TRABD2B: variants seen among roughly 807,000 people sequenced by gnomAD.
TRABD2B encodes the protein TraB domain containing 2B.
In TRABD2B, 14 loss-of-function variants were observed where a neutral mutation model predicts 40.1. The observed-to-expected ratio is 0.35, with a 90% CI of 0.23 to 0.55. TRABD2B has a LOEUF of 0.55. TRABD2B is among the 20% of genes least tolerant of loss of function. The pLI is 0.90. For synonymous variants in TRABD2B, 263 were observed against 277.0 expected, an observed-to-expected ratio of 0.95 and a Z score of 0.50; for missense variants, 541 against 648.6, an observed-to-expected ratio of 0.83 and a Z score of 1.80.
intron 2 of TRABD2B, among the ~76,000 whole-genome samples, chr1:47,834,968 G>A (rs1215678062): frequency 6.6e-6 from 1 of 152,120 alleles, no homozygotes; most frequent in East Asian, 1.9e-4. Flanking sequence ...GACTTACTAG[G>A]CAAAGACTTT....
chr1:47,901,629 C>T (rs1023022598), intron 2 of TRABD2B, among the ~76,000 whole-genome samples: 1 of 152,184 alleles, frequency 6.6e-6, no homozygotes, highest in Admixed American at 6.5e-5. Context: ...TCAAGGAGTT[C>T]ATGGTCTAAT....
At position 47,775,087 on chromosome 1, in the gene TRABD2B, G is replaced by A. The variant is rs1281679177; in HGVS notation, c.1349+83C>T. 5.5e-5 allele frequency: 66 copies of A among 1,204,236 alleles called. 1 individual carries two copies. Among genetic ancestry groups the A allele is most frequent in the Middle Eastern group, 6.3e-4 (2 of 3,186 alleles). The allele number at this position is 1,204,236 out of a possible 1,614,324, so 74.6% of individuals were successfully genotyped here. ...AGAGCAGGGCTGGCCTGACGACAGT[G>A]TGCCCAGCTGTGGGGGGTTCAGGGT... On this transcript the variant is annotated intron_variant, in intron 6 of 6. Coordinates refer to ENST00000606738, the MANE Select transcript of TRABD2B (RefSeq NM_001194986.2).
In TRABD2B at chr1:47,945,027, A is replaced by G. The variant is rs182414921; in HGVS notation, c.666+49007T>C. On this transcript the variant is annotated intron_variant, in intron 2 of 6. Transcript: ENST00000606738. ...ATGTAGTTCAGTGATTCTGGAGCTT[A>G]GGAAGGGCTGGGGAAGTTGGGGGTG... Among the ~76,000 whole-genome samples, 10 of 141,008 alleles carry G rather than the reference A, an allele frequency of 7.1e-5. No individual in the cohort carries two copies. The East Asian group carries it at 2.5e-3, about 35-fold the overall frequency. 92.5% of individuals were successfully genotyped at this position (141,008 alleles called of 152,430 possible).
intron 2 of TRABD2B, among the ~76,000 whole-genome samples, chr1:47,927,526 AACC>A (rs1343601954): frequency 6.6e-6 from 1 of 152,228 alleles, no homozygotes; most frequent in Non-Finnish European, 1.5e-5. Context: ...GTCTCAGTCT[AACC>A]AGGCTGCAAG....
chr1:47,987,629 C>T lies in TRABD2B; in HGVS notation c.666+6405G>A, dbSNP rs544867816. On this transcript the variant is annotated intron_variant, in intron 2 of 6. Transcript: ENST00000606738. The stretch of plus-strand genomic sequence containing the variant: ...AGATAATATATTAAATATTAAGACA[C>T]GAATGAACCAGGTCATGGAGAGGGG... Among the ~76,000 whole-genome samples, 5 of 152,306 alleles carry T rather than the reference C, an allele frequency of 3.3e-5. No homozygotes were observed. In the South Asian group the frequency reaches 8.3e-4, roughly 25 times the overall value.
intron 4 of TRABD2B, among the ~76,000 whole-genome samples, chr1:47,787,772 G>GCATTCATT (rs60604586): frequency 0.022 from 3,327 of 151,836 alleles, 40 homozygotes; most frequent in African/African-American, 0.029. Flanking sequence ...CAGGGTTGGT[G>GCATTCATT]CATTCATTCA....
At chr1:47,875,333 G>A (rs10493130) in intron 2 of TRABD2B, among the ~76,000 whole-genome samples, 36,773 of 150,464 alleles carry the variant, frequency 0.24, 4,967 homozygotes, top group Non-Finnish European at 0.31. Flanking sequence ...GGCAACACTA[G>A]ATATGCTGCC....
chr1:47,942,218 T>C (rs1645197590), intron 2 of TRABD2B, among the ~76,000 whole-genome samples: 1 of 152,136 alleles, frequency 6.6e-6, no homozygotes, highest in Admixed American at 6.5e-5. Flanking sequence ...GAGTCCCCAG[T>C]ACCCCATTCA....
intron 2 of TRABD2B, among the ~76,000 whole-genome samples, chr1:47,990,834 T>A (rs868331338): frequency 5.6e-4 from 55 of 98,552 alleles, no homozygotes; most frequent in South Asian, 1.1e-3. Context: ...TATATATATA[T>A]AAAACGTTGG....
intron 2 of TRABD2B, among the ~76,000 whole-genome samples, chr1:47,986,411 C>T (rs1379374908): frequency 2.0e-5 from 3 of 152,156 alleles, no homozygotes; most frequent in Non-Finnish European, 4.4e-5. Flanking sequence ...AACTGGAGAA[C>T]ATTCAATCTA....
At chr1:47,891,110 A>G (rs1644439130) in intron 2 of TRABD2B, among the ~76,000 whole-genome samples, 2 of 152,244 alleles carry the variant, frequency 1.3e-5, no homozygotes, top group Non-Finnish European at 2.9e-5. Flanking sequence ...TATAAGGATT[A>G]ACTGAATTAT....
chr1:47,919,385 G>T (rs964096477), intron 2 of TRABD2B, among the ~76,000 whole-genome samples: 3 of 152,142 alleles, frequency 2.0e-5, no homozygotes, highest in Non-Finnish European at 4.4e-5. Context: ...AAATCTAAGG[G>T]GAGCCAAACA....
intron 2 of TRABD2B, among the ~76,000 whole-genome samples, chr1:47,938,252 G>A (rs1461212529): frequency 6.6e-6 from 1 of 152,184 alleles, no homozygotes; most frequent in Non-Finnish European, 1.5e-5. Context: ...GGCACAGAGA[G>A]GCCACAGAAG....
chr1:47,790,141 A>T (rs1644651320), intron 4 of TRABD2B, among the ~76,000 whole-genome samples: 1 of 152,230 alleles, frequency 6.6e-6, no homozygotes, highest in African/African-American at 2.4e-5. Context: ...AATTTAGCTA[A>T]CAAGGAATTC....
chr1:47,776,911 C>T (rs1334338527), intron 5 of TRABD2B, among the ~76,000 whole-genome samples: 1 of 152,148 alleles, frequency 6.6e-6, no homozygotes, highest in African/African-American at 2.4e-5. Context: ...TCAAAACAGT[C>T]AGACAAAAAG....
At chr1:47,850,402 A>G (rs1414540477) in intron 2 of TRABD2B, among the ~76,000 whole-genome samples, 3 of 152,256 alleles carry the variant, frequency 2.0e-5, no homozygotes, top group Non-Finnish European at 4.4e-5. Flanking sequence ...CTAACACCAT[A>G]TGGAAGCTTG....
intron 2 of TRABD2B, among the ~76,000 whole-genome samples, chr1:47,862,683 C>G (rs2124559982): frequency 6.6e-6 from 1 of 152,270 alleles, no homozygotes; most frequent in East Asian, 1.9e-4. Flanking sequence ...ATATTCAACA[C>G]AATCCTAATC....
At chr1:47,876,174 C>G (rs1427865894) in intron 2 of TRABD2B, among the ~76,000 whole-genome samples, 1 of 152,164 alleles carries the variant, frequency 6.6e-6, no homozygotes, top group African/African-American at 2.4e-5. Flanking sequence ...TGAGCTTGAA[C>G]AAGCGCGTCA....
At chr1:47,915,056 C>A (rs367980663) in intron 2 of TRABD2B, among the ~76,000 whole-genome samples, 38 of 152,350 alleles carry the variant, frequency 2.5e-4, no homozygotes, top group African/African-American at 8.9e-4. Flanking sequence ...GCAGAGGCAC[C>A]TGAAGCATAA....
Sources: gnomAD v4.1 joint callset for allele counts (sites outside exome capture counted in the v4.1 genomes callset) on GRCh38, gnomAD v4.1.1 for gene constraint, MANE v1.5 for transcripts, NCBI Gene and HGNC (gene_info 2026-07-23, HGNC 2026-07-21) for gene names.